CTNNA2: variants seen among roughly 807,000 people sequenced by gnomAD.
CTNNA2 encodes catenin alpha 2, also known as catenin alpha-2.
In CTNNA2, 42 loss-of-function variants were observed where a neutral mutation model predicts 101.0. The observed-to-expected ratio is 0.42, with a 90% confidence interval of 0.32 to 0.54. The LOEUF is 0.54. Ranked by LOEUF, CTNNA2 falls within the 20% of genes least tolerant of loss-of-function variation. CTNNA2 has a pLI of 0.14. For missense variants in CTNNA2, 871 were observed against 1,223.1 expected (o/e 0.71, Z 4.29); for synonymous variants, 450 against 456.4 (o/e 0.99, Z 0.18).
At chr2:80,134,377 A>G (rs1373722008) in intron 7 of CTNNA2, among the ~76,000 whole-genome samples, 1 of 152,122 alleles carries the variant, frequency 6.6e-6, no homozygotes, top group Non-Finnish European at 1.5e-5. Context: ...AACTACGCTA[A>G]GTGCTGACCC....
At chr2:80,293,136 A>G (rs972810935) in intron 7 of CTNNA2, among the ~76,000 whole-genome samples, 3 of 152,246 alleles carry the variant, frequency 2.0e-5, no homozygotes, top group African/African-American at 7.2e-5. Context: ...GAGGCAAAAT[A>G]ACAGAGTGAG....
At chr2:79,565,630 C>G (rs1292963568) in intron 1 of CTNNA2, among the ~76,000 whole-genome samples, 1 of 152,126 alleles carries the variant, frequency 6.6e-6, no homozygotes, top group African/African-American at 2.4e-5. Context: ...GTGCTTCACT[C>G]ATGCTAGTGG....
At chr2:80,458,982 TA>T (rs1684206252) in intron 9 of CTNNA2, among the ~76,000 whole-genome samples, 1 of 152,228 alleles carries the variant, frequency 6.6e-6, no homozygotes, top group Non-Finnish European at 1.5e-5. Context: ...ACCATATTTT[TA>T]CTGGTAACTT....
intron 4 of CTNNA2, among the ~76,000 whole-genome samples, chr2:79,489,634 T>C (rs1030496678): frequency 3.9e-5 from 6 of 152,202 alleles, no homozygotes; most frequent in African/African-American, 1.4e-4. Flanking sequence ...AAGATAACTG[T>C]ATCTACCCCA....
At chr2:79,515,795 T>A (rs1421941739) in intron 1 of CTNNA2, among the ~76,000 whole-genome samples, 1 of 152,190 alleles carries the variant, frequency 6.6e-6, no homozygotes, top group African/African-American at 2.4e-5. Context: ...TAGAGGCTTC[T>A]GTCTTTAGTT....
intron 7 of CTNNA2, among the ~76,000 whole-genome samples, chr2:80,378,942 G>T (rs1439486656): frequency 6.6e-6 from 1 of 151,364 alleles, no homozygotes; most frequent in Non-Finnish European, 1.5e-5. Context: ...GGAGAGGCAG[G>T]GTTTTATCTT....
intron 2 of CTNNA2, among the ~76,000 whole-genome samples, chr2:79,229,693 T>G (rs1386196426): frequency 8.6e-5 from 13 of 152,008 alleles, no homozygotes; most frequent in Non-Finnish European, 1.5e-5. Flanking sequence ...GTTGGAACAG[T>G]TTGGAGGGCT....
At position 80,242,855 on chromosome 2, in the gene CTNNA2, G is replaced by C. The variant is rs143257324; in HGVS notation, c.1057-150356G>C. 4.6e-3 allele frequency among the ~76,000 whole-genome samples: 694 copies of C among 152,308 alleles called. 4 individuals carry two copies. The highest frequency in any genetic ancestry group is 0.016 in the African/African-American group (654 of 41,572). On this transcript the variant is annotated intron_variant, in intron 7 of 18. Coordinates refer to ENST00000402739, the MANE Select transcript of CTNNA2 (RefSeq NM_001282597.3). ...TCTTCATTCTGCAGGGATCCTGCTA[G>C]ATGGAGCAGAATAGCTATGCTGCCA...
intron 2 of CTNNA2, among the ~76,000 whole-genome samples, chr2:79,221,803 G>A (rs1479994852): frequency 1.3e-5 from 2 of 152,070 alleles, no homozygotes; most frequent in Non-Finnish European, 2.9e-5. Context: ...AGTGAGAAAA[G>A]GTGCCAGGAA....
intron 2 of CTNNA2, among the ~76,000 whole-genome samples, chr2:79,248,910 T>C (rs1395379701): frequency 6.6e-6 from 1 of 152,202 alleles, no homozygotes; most frequent in Non-Finnish European, 1.5e-5. Context: ...TTCAGCACCC[T>C]ATCTACAGTT....
chr2:79,936,028 A>G (rs1296001394), intron 7 of CTNNA2, among the ~76,000 whole-genome samples: 1 of 152,258 alleles, frequency 6.6e-6, no homozygotes, highest in Non-Finnish European at 1.5e-5. Flanking sequence ...GAGAGATTTA[A>G]TAATAACTAA....
intron 2 of CTNNA2, among the ~76,000 whole-genome samples, chr2:79,739,687 T>C (rs1172076130): frequency 6.6e-6 from 1 of 152,228 alleles, no homozygotes; most frequent in African/African-American, 2.4e-5. Flanking sequence ...AAAAAGTCTA[T>C]AAGTACCATC....
Position 79,468,297 on chromosome 2 carries a change from G to A in CTNNA2, c.-134-36757G>A, listed in dbSNP as rs547198898. Among the ~76,000 whole-genome samples, 5 of 152,206 alleles carry A rather than the reference G, an allele frequency of 3.3e-5. No homozygotes were observed. The South Asian group carries it at 1.0e-3, about 32-fold the overall frequency. On this transcript the variant is annotated intron_variant, in intron 4 of 21. Coordinates refer to the CTNNA2 transcript ENST00000466387. ...GAGACAAAGAAGGCCATTACAGAAT[G>A]GTAAAGGGATGAATTCAACAAGAAG...
At chr2:80,316,189 T>C (rs1678104037) in intron 7 of CTNNA2, among the ~76,000 whole-genome samples, 1 of 152,066 alleles carries the variant, frequency 6.6e-6, no homozygotes, top group Non-Finnish European at 1.5e-5. Flanking sequence ...CTTCACAGCG[T>C]GAATAGCTAG....
intron 7 of CTNNA2, among the ~76,000 whole-genome samples, chr2:80,259,644 A>T (rs1243021005): frequency 6.6e-6 from 1 of 152,230 alleles, no homozygotes; most frequent in East Asian, 1.9e-4. Context: ...CCTGGGACAT[A>T]AAGCAACTCA....
chr2:79,853,626 G>A (rs961227702), intron 3 of CTNNA2, among the ~76,000 whole-genome samples: 2 of 150,944 alleles, frequency 1.3e-5, no homozygotes, highest in African/African-American at 4.9e-5. Context: ...CTAAAACTCT[G>A]CCTTCCACAT....
intron 9 of CTNNA2, among the ~76,000 whole-genome samples, chr2:80,422,377 A>G (rs558872613): frequency 1.3e-5 from 2 of 152,178 alleles, no homozygotes; most frequent in East Asian, 3.9e-4. Flanking sequence ...TCAAGGTGAG[A>G]TTGAATAGGA....
intron 7 of CTNNA2, among the ~76,000 whole-genome samples, chr2:79,945,743 A>T (rs1023996755): frequency 3.3e-5 from 5 of 152,168 alleles, no homozygotes; most frequent in African/African-American, 1.2e-4. Context: ...ATCCTCTGAG[A>T]TTCTAGAGAA....
At chr2:79,390,723 G>C (rs1678162259) in intron 4 of CTNNA2, among the ~76,000 whole-genome samples, 1 of 152,154 alleles carries the variant, frequency 6.6e-6, no homozygotes, top group African/African-American at 2.4e-5. Context: ...TATCTTCCAC[G>C]ATGGTTGTAG....
Sources: gnomAD v4.1 joint callset for allele counts (sites outside exome capture counted in the v4.1 genomes callset) on GRCh38, gnomAD v4.1.1 for gene constraint, MANE v1.5 for transcripts, NCBI Gene and HGNC (gene_info 2026-07-23, HGNC 2026-07-21) for gene names.